SPIRE1: variants seen among roughly 807,000 people sequenced by gnomAD.
SPIRE1 encodes the protein protein spire homolog 1.
Under a neutral mutation model 94.1 loss-of-function variants are expected in SPIRE1, and 40 were observed. The observed-to-expected ratio is 0.43, with a 90% CI of 0.33 to 0.55. The LOEUF (loss-of-function observed/expected upper bound fraction) is 0.55. SPIRE1 is among the 20% of genes least tolerant of loss of function. The pLI, the probability that SPIRE1 is intolerant of heterozygous loss-of-function variation, is 0.06. For missense variants in SPIRE1, 838 were observed against 975.2 expected, an observed-to-expected ratio of 0.86 and a Z score of 1.87; for synonymous variants, 376 against 371.7, an observed-to-expected ratio of 1.01 and a Z score of -0.13.
In SPIRE1 at chr18:12,484,681, A is replaced by G. The variant is rs559576467; in HGVS notation, c.1231+1278T>C. On this transcript the variant is annotated intron_variant, in intron 9 of 16. Transcript: ENST00000409402. ...AAGAAAATATTTGTGCCAACATCTCATCTCATTTTATATTTAAAACAGTAG... is the reference window on the plus strand; with the variant it reads ...AAGAAAATATTTGTGCCAACATCTCGTCTCATTTTATATTTAAAACAGTAG... Among the ~76,000 whole-genome samples the G allele has an allele frequency of 1.2e-4, 19 of 152,332 alleles. 1 individual carries two copies. The South Asian group carries it at 3.9e-3, about 32-fold the overall frequency.
chr18:12,621,596 A>C (rs1464748540), intron 2 of SPIRE1, among the ~76,000 whole-genome samples: 11 of 152,358 alleles, frequency 7.2e-5, no homozygotes, highest in African/African-American at 2.4e-4. Context: ...CATTATGCTA[A>C]ATGAAAGAAG....
intron 2 of SPIRE1, among the ~76,000 whole-genome samples, chr18:12,560,836 G>C (rs112556172): frequency 7.9e-5 from 12 of 152,282 alleles, no homozygotes; most frequent in African/African-American, 2.9e-4. Flanking sequence ...CTGGGTGACA[G>C]AGCAAGACTC....
At chr18:12,590,908 T>G (rs1384784102) in intron 2 of SPIRE1, among the ~76,000 whole-genome samples, 1 of 152,210 alleles carries the variant, frequency 6.6e-6, no homozygotes, top group African/African-American at 2.4e-5. Context: ...GAGGTAGTAC[T>G]TAGCCAAAAT....
chr18:12,472,212 C>T (rs891864149), intron 10 of SPIRE1, among the ~76,000 whole-genome samples: 6 of 152,008 alleles, frequency 3.9e-5, no homozygotes, highest in African/African-American at 4.8e-5. Context: ...TAGCACTTTG[C>T]GAGGCCGAGG....
chr18:12,465,803 G>A (rs2032070071), intron 10 of SPIRE1, among the ~76,000 whole-genome samples: 1 of 152,088 alleles, frequency 6.6e-6, no homozygotes, highest in African/African-American at 2.4e-5. Context: ...TCTACATTGT[G>A]GGCCAGGTAC....
At chr18:12,634,964 A>G in intron 2 of SPIRE1, 98 bp downstream of exon 2, 1 of 630,758 alleles carries the variant, frequency 1.6e-6, no homozygotes, top group Non-Finnish European at 2.7e-6. Flanking sequence ...ATCTTATCAG[A>G]AGACCAAGAA....
At chr18:12,510,582 G>A (rs529392422) in intron 5 of SPIRE1, among the ~76,000 whole-genome samples, 11 of 149,672 alleles carry the variant, frequency 7.3e-5, no homozygotes, top group East Asian at 3.9e-4. Flanking sequence ...TCCCTCTGTC[G>A]CCCAGGCTGG....
intron 2 of SPIRE1, among the ~76,000 whole-genome samples, chr18:12,586,492 A>G: frequency 6.6e-6 from 1 of 152,312 alleles, no homozygotes; most frequent in African/African-American, 2.4e-5. Flanking sequence ...AGGCCTAATA[A>G]TAGCTTTTCT....
chr18:12,590,740 C>T (rs958756171), intron 2 of SPIRE1, among the ~76,000 whole-genome samples: 5 of 152,072 alleles, frequency 3.3e-5, no homozygotes, highest in Non-Finnish European at 7.4e-5. Flanking sequence ...CACTCTCAAG[C>T]GGGGGCAGGA....
chr18:12,452,587 G>A (rs2031300519), intron 14 of SPIRE1, 75 bp from the exon 15 acceptor site: 2 of 1,442,720 alleles, frequency 1.4e-6, no homozygotes, highest in Admixed American at 3.3e-5. Context: ...GCCTATGGCA[G>A]TACAGTTGTA....
intron 9 of SPIRE1, among the ~76,000 whole-genome samples, chr18:12,483,349 CA>C (rs1421159203): frequency 6.6e-6 from 1 of 151,888 alleles, no homozygotes; most frequent in Non-Finnish European, 1.5e-5. Context: ...ATGAGAAAAG[CA>C]AAACACTTGG....
At chr18:12,498,871 C>T (rs1222832627) in intron 6 of SPIRE1, among the ~76,000 whole-genome samples, 5 of 152,198 alleles carry the variant, frequency 3.3e-5, no homozygotes, top group Non-Finnish European at 7.4e-5. Flanking sequence ...GATCCTAGCA[C>T]TTGGCCTTCC....
At chr18:12,655,235 A>G (rs921428396) in intron 1 of SPIRE1, among the ~76,000 whole-genome samples, 17 of 151,464 alleles carry the variant, frequency 1.1e-4, no homozygotes, top group African/African-American at 3.4e-4. Flanking sequence ...CAAAAAAAAA[A>G]AAGAAGAAAA....
chr18:12,576,227 A>G (rs2036091583), intron 2 of SPIRE1, among the ~76,000 whole-genome samples: 1 of 151,868 alleles, frequency 6.6e-6, no homozygotes, highest in African/African-American at 2.4e-5. Flanking sequence ...AGTATATGGA[A>G]ATGCAAATTA....
At chr18:12,614,986 C>T (rs984317355) in intron 2 of SPIRE1, among the ~76,000 whole-genome samples, 1 of 151,626 alleles carries the variant, frequency 6.6e-6, no homozygotes, top group Non-Finnish European at 1.5e-5. Context: ...CTCAGGAGTT[C>T]GAGACCAGGC....
At chr18:12,586,588 CAG>C (rs1250528018) in intron 2 of SPIRE1, among the ~76,000 whole-genome samples, 4 of 152,284 alleles carry the variant, frequency 2.6e-5, no homozygotes, top group African/African-American at 7.2e-5. Context: ...ATGAAACTAA[CAG>C]TATGCAAATT....
chr18:12,644,130 C>T (rs1257008152), intron 1 of SPIRE1, among the ~76,000 whole-genome samples: 1 of 136,320 alleles, frequency 7.3e-6, no homozygotes, highest in South Asian at 2.3e-4. Context: ...ACACAGGAGG[C>T]GGAGGTTGCA....
intron 4 of SPIRE1, among the ~76,000 whole-genome samples, chr18:12,512,780 T>C (rs932058652): frequency 6.6e-6 from 1 of 150,404 alleles, no homozygotes; most frequent in Non-Finnish European, 1.5e-5. Flanking sequence ...TTTTTCTTTT[T>C]TTTTTTTTTT....
intron 2 of SPIRE1, among the ~76,000 whole-genome samples, chr18:12,610,014 T>C (rs1173018815): frequency 2.0e-5 from 3 of 152,040 alleles, no homozygotes; most frequent in Admixed American, 6.6e-5. Context: ...AACCTGGAAC[T>C]GGGAGGAGGT....
Sources: gnomAD v4.1 joint callset for allele counts (sites outside exome capture counted in the v4.1 genomes callset) on GRCh38, gnomAD v4.1.1 for gene constraint, MANE v1.5 for transcripts, NCBI Gene and HGNC (gene_info 2026-07-23, HGNC 2026-07-21) for gene names.